Variants in M1AP observed in about 807,000 individuals in gnomAD.
M1AP encodes the protein meiosis 1 arrest protein.
Under a neutral mutation model 51.2 loss-of-function variants are expected in M1AP, and 39 were observed. The ratio of observed to expected loss-of-function variants is 0.76; its 90% confidence interval spans 0.59 to 1.00. M1AP has a LOEUF of 1.00. M1AP is among the 50% of genes least tolerant of loss of function. M1AP has a pLI of 0.00. For synonymous variants in M1AP, 251 were observed against 249.2 expected (o/e 1.01, Z -0.07); for missense variants, 545 against 641.2 (o/e 0.85, Z 1.62).
rs184547273 is a variant in M1AP, at chr2:74,617,932, G to A, written c.241-2783C>T. The stretch of plus-strand genomic sequence containing the variant: ...TTAGTCTGTGCACATGTCAACTATG[G>A]AGAATGTGCATGTCCTGTGAATTTC... On this transcript the variant is annotated intron_variant, in intron 2 of 10. Coordinates refer to ENST00000421985, the MANE Select transcript of M1AP (RefSeq NM_001321739.2). 6.6e-4 allele frequency among the ~76,000 whole-genome samples: 101 copies of A among 152,302 alleles called. 2 individuals carry two copies. The highest frequency in any genetic ancestry group is 2.4e-3 in the African/African-American group (99 of 41,562).
At chr2:74,594,315 G>C (rs1680205287) in intron 4 of M1AP, among the ~76,000 whole-genome samples, 2 of 152,164 alleles carry the variant, frequency 1.3e-5, no homozygotes, top group South Asian at 4.1e-4. Context: ...CAAGATGACA[G>C]AGATGTTGGA....
chr2:74,562,150 T>C (rs1678059801), intron 8 of M1AP, 67 bp downstream of exon 8: 1 of 1,533,622 alleles, frequency 6.5e-7, no homozygotes. Flanking sequence ...CTCACTCCTC[T>C]CCCTCATCCC....
intron 4 of M1AP, among the ~76,000 whole-genome samples, chr2:74,587,268 G>T (rs890852405): frequency 6.6e-6 from 1 of 150,736 alleles, no homozygotes. Context: ...GCGCGATCTC[G>T]GCTCACTGCA....
Position 74,573,004 on chromosome 2 carries a change from T to C in M1AP, c.1074+2434A>G, listed in dbSNP as rs185501960. ...GTGGCAGGGAGACTCTAATCTCGTG[T>C]ATGTAAGCCAGGATGGAAGGGAATA... On this transcript the variant is annotated intron_variant, in intron 7 of 10. Transcript: ENST00000421985. Among the ~76,000 whole-genome samples, 1,171 of 152,320 alleles carry C rather than the reference T, an allele frequency of 7.7e-3. 6 individuals carry two copies. Among genetic ancestry groups the C allele is most frequent in the Non-Finnish European group, 8.0e-3 (541 of 68,030 alleles).
intron 5 of M1AP, among the ~76,000 whole-genome samples, chr2:74,578,810 C>T (rs1374978165): frequency 1.3e-5 from 2 of 152,052 alleles, no homozygotes; most frequent in African/African-American, 2.4e-5. Context: ...GAGATGCATA[C>T]CCCAAAGAGT....
chr2:74,581,759 A>T lies in M1AP; in HGVS notation c.684T>A (p.His228Gln), dbSNP rs369658055. 1 of 1,613,996 alleles carries T rather than the reference A, an allele frequency of 6.2e-7. No homozygotes were observed. The highest frequency in any genetic ancestry group is 1.3e-5 in the African/African-American group (1 of 74,932). The change falls in exon 5 of 11, where the codon CAT (histidine) becomes CAA (glutamine). Residue 228 changes from histidine to glutamine, a missense_variant. Transcript: ENST00000421985. ...TTTGTTCTTGGTCTGTTCCACTGTT[A>T]TGTAGCCAGGCTTTGAAGAAAATCT... Reference protein sequence around the residue: ...SMEIFFKAWLHNSGTDQEQIH... With the variant: ...SMEIFFKAWLQNSGTDQEQIH...
intron 2 of M1AP, among the ~76,000 whole-genome samples, chr2:74,639,613 G>A (rs1683177027): frequency 6.6e-6 from 1 of 152,204 alleles, no homozygotes. Context: ...TCTGAGCAAA[G>A]AAAACTGGTA....
chr2:74,641,847 A>AT (rs10709998), intron 1 of M1AP, among the ~76,000 whole-genome samples: 26,032 of 142,466 alleles, frequency 0.18, 3,217 homozygotes, highest in East Asian at 0.7. Context: ...TCCTCAACTA[A>AT]TTTTTTTTTT....
rs529127713 is a variant in M1AP, at chr2:74,583,374, G to C, written c.596-1527C>G. ...CAGCAAAAAGGATGGGGAGGGTCTG[G>C]TAGAGTGTGATTTAATTCCAAATCT... On this transcript the variant is annotated intron_variant, in intron 4 of 10. Coordinates refer to ENST00000421985, the MANE Select transcript of M1AP (RefSeq NM_001321739.2). 2.0e-5 allele frequency among the ~76,000 whole-genome samples: 3 copies of C among 152,310 alleles called. No homozygotes were observed. The East Asian group carries it at 5.8e-4, about 29-fold the overall frequency.
chr2:74,629,608 T>C (rs1442682666), intron 2 of M1AP, among the ~76,000 whole-genome samples: 1 of 152,036 alleles, frequency 6.6e-6, no homozygotes, highest in Non-Finnish European at 1.5e-5. Context: ...AAAAATTAGC[T>C]GGGTGCGGTG....
At chr2:74,639,876 C>A (rs1683191935) in intron 2 of M1AP, among the ~76,000 whole-genome samples, 160 bp downstream of exon 2, 1 of 152,220 alleles carries the variant, frequency 6.6e-6, no homozygotes, top group African/African-American at 2.4e-5. Context: ...CCTATATATG[C>A]AGGATGCCCT....
At chr2:74,561,439 G>C (rs1055920933) in intron 8 of M1AP, among the ~76,000 whole-genome samples, 2 of 149,868 alleles carry the variant, frequency 1.3e-5, no homozygotes, top group African/African-American at 5.1e-5. Context: ...GTGCAATGCA[G>C]ACAGACCCCT....
chr2:74,626,678 C>T (rs1159778674), intron 2 of M1AP, among the ~76,000 whole-genome samples: 3 of 152,180 alleles, frequency 2.0e-5, no homozygotes, highest in African/African-American at 7.2e-5. Context: ...TTATACTTTG[C>T]TCCATCAGGA....
rs578103177 is a variant in M1AP at position 74,588,133 on chromosome 2, C to T, written c.596-6286G>A. On this transcript the variant is annotated intron_variant, in intron 4 of 10. Transcript: ENST00000421985. ...GTCTCACAGGGCCCTAACCTCTAGGCCTGACCTGTTCCTTTCCGAATGACA... is the reference window on the plus strand; with the variant it reads ...GTCTCACAGGGCCCTAACCTCTAGGTCTGACCTGTTCCTTTCCGAATGACA... Among the ~76,000 whole-genome samples, 11 of 152,316 alleles carry T rather than the reference C, an allele frequency of 7.2e-5. No homozygotes were observed. The South Asian group carries it at 2.3e-3, about 32-fold the overall frequency.
chr2:74,572,411 C>T (rs1465193229), intron 7 of M1AP, among the ~76,000 whole-genome samples: 2 of 152,228 alleles, frequency 1.3e-5, no homozygotes, highest in Non-Finnish European at 2.9e-5. Flanking sequence ...GCCTTGAACT[C>T]CTGGGCTCAG....
intron 3 of M1AP, among the ~76,000 whole-genome samples, chr2:74,610,294 C>T (rs1261278917): frequency 6.6e-6 from 1 of 152,034 alleles, no homozygotes; most frequent in East Asian, 1.9e-4. Flanking sequence ...CAGGTGTGAG[C>T]CACTGCACCT....
intron 1 of M1AP, among the ~76,000 whole-genome samples, chr2:74,641,538 T>C (rs1370056902): frequency 6.6e-6 from 1 of 152,168 alleles, no homozygotes; most frequent in Non-Finnish European, 1.5e-5. Flanking sequence ...TCTATAATCA[T>C]TAAGGAAATG....
Position 74,614,913 on chromosome 2 carries a change from T to C in M1AP, c.426+51A>G, listed in dbSNP as rs780058404. On this transcript the variant is annotated intron_variant, in intron 3 of 10. Coordinates refer to ENST00000421985, the MANE Select transcript of M1AP (RefSeq NM_001321739.2). ...TAAAGATGATAAACAATGACCTATA[T>C]GGACTGAAATCGGAACACAGCTTGG... 5 of 1,489,604 alleles carry C rather than the reference T, an allele frequency of 3.4e-6. No homozygotes were observed. In the Admixed American group the frequency reaches 5.0e-5, roughly 15 times the overall value. The allele number at this position is 1,489,604 out of a possible 1,614,324, so 92.3% of individuals were successfully genotyped here.
chr2:74,623,558 A>C (rs1421553251), intron 2 of M1AP, among the ~76,000 whole-genome samples: 1 of 152,122 alleles, frequency 6.6e-6, no homozygotes, highest in Non-Finnish European at 1.5e-5. Context: ...ATACCCTCAG[A>C]CATTTAAATT....
Sources: gnomAD v4.1 joint callset for allele counts (sites outside exome capture counted in the v4.1 genomes callset) on GRCh38, gnomAD v4.1.1 for gene constraint, MANE v1.5 for transcripts, NCBI Gene and HGNC (gene_info 2026-07-23, HGNC 2026-07-21) for gene names.